ADK: variants seen among roughly 807,000 people sequenced by gnomAD.
ADK encodes N6,N6-dimethyladenosine kinase.
A neutral mutation model predicts 44.7 loss-of-function variants in ADK; 24 were observed. The observed-to-expected ratio is 0.54, with a 90% CI of 0.39 to 0.76. The LOEUF is 0.76. ADK is among the 30% of genes least tolerant of loss of function. The probability of loss-of-function intolerance (pLI) is 0.00; values close to 1 mark genes in which losing one functional copy is unlikely to be tolerated. For missense variants in ADK, 321 were observed against 425.1 expected, an observed-to-expected ratio of 0.76 and a Z score of 2.15; for synonymous variants, 128 against 142.6, an observed-to-expected ratio of 0.90 and a Z score of 0.73.
chr10:74,259,509 T>G (rs1845961767), intron 3 of ADK, among the ~76,000 whole-genome samples: 1 of 142,674 alleles, frequency 7.0e-6, no homozygotes, highest in African/African-American at 2.7e-5. Flanking sequence ...CAGGCTGGAG[T>G]GCAGTGGCGC....
intron 1 of ADK, among the ~76,000 whole-genome samples, chr10:74,197,838 ACT>A (rs960103839): frequency 6.6e-5 from 10 of 152,084 alleles, no homozygotes; most frequent in African/African-American, 2.2e-4. Context: ...AGTATAATAA[ACT>A]CTTTTGGGAA....
chr10:74,651,274 A>G (rs967218763), intron 9 of ADK, among the ~76,000 whole-genome samples: 23 of 152,178 alleles, frequency 1.5e-4, no homozygotes, highest in African/African-American at 5.5e-4. Flanking sequence ...GCAATCCCTA[A>G]TTACGGAGAA....
chr10:74,596,125 A>G (rs1246567511), intron 8 of ADK, among the ~76,000 whole-genome samples: 1 of 152,036 alleles, frequency 6.6e-6, no homozygotes, highest in South Asian at 2.1e-4. Flanking sequence ...AAAATGGTTT[A>G]GGATGAACAT....
chr10:74,281,944 C>T (rs562775574), intron 3 of ADK, among the ~76,000 whole-genome samples: 139 of 152,298 alleles, frequency 9.1e-4, no homozygotes, highest in Admixed American at 3.2e-3. Context: ...CATTTTAATA[C>T]ATCTGGCTCC....
chr10:74,668,537 G>A (rs191070951), intron 9 of ADK, among the ~76,000 whole-genome samples: 6 of 152,280 alleles, frequency 3.9e-5, no homozygotes, highest in Admixed American at 3.9e-4. Context: ...AGGAGTTCAA[G>A]ACGAGCCTGG....
At chr10:74,530,338 A>C (rs1366346018) in intron 7 of ADK, among the ~76,000 whole-genome samples, 1 of 152,196 alleles carries the variant, frequency 6.6e-6, no homozygotes, top group Non-Finnish European at 1.5e-5. Context: ...CCTCAAAAAA[A>C]TAAAGTATAC....
At chr10:74,434,026 AGTAAAATGAG>A (rs1266760916) in intron 6 of ADK, among the ~76,000 whole-genome samples, 1 of 152,202 alleles carries the variant, frequency 6.6e-6, no homozygotes, top group Non-Finnish European at 1.5e-5. Flanking sequence ...TGTGTGGTGA[AGTAAAATGAG>A]GTAGAGGTTA....
chr10:74,281,753 A>G (rs1207195395), intron 3 of ADK, among the ~76,000 whole-genome samples: 1 of 152,216 alleles, frequency 6.6e-6, no homozygotes, highest in Non-Finnish European at 1.5e-5. Flanking sequence ...TCAAAACTGC[A>G]AGTTTTCTGA....
chr10:74,328,424 A>T (rs1039031643), intron 4 of ADK, among the ~76,000 whole-genome samples: 1 of 152,048 alleles, frequency 6.6e-6, no homozygotes, highest in Non-Finnish European at 1.5e-5. Flanking sequence ...ACTTCTGCAT[A>T]TGTGGGCTTA....
chr10:74,405,817 A>G (rs1285689810), intron 6 of ADK, among the ~76,000 whole-genome samples: 1 of 152,204 alleles, frequency 6.6e-6, no homozygotes, highest in Admixed American at 6.5e-5. Flanking sequence ...TCTTTGAAAC[A>G]GCCACTATTT....
intron 6 of ADK, among the ~76,000 whole-genome samples, chr10:74,453,409 G>A (rs1484750683): frequency 6.6e-6 from 1 of 151,956 alleles, no homozygotes; most frequent in Non-Finnish European, 1.5e-5. Flanking sequence ...CAGATAATTT[G>A]CAGCCATGTG....
chr10:74,591,628 A>G (rs1365384752), intron 8 of ADK, among the ~76,000 whole-genome samples: 1 of 152,224 alleles, frequency 6.6e-6, no homozygotes, highest in Admixed American at 6.5e-5. Flanking sequence ...TAAGGAATAA[A>G]ACAAAAATAA....
At chr10:74,544,700 C>A (rs542588304) in intron 7 of ADK, among the ~76,000 whole-genome samples, 36 of 152,076 alleles carry the variant, frequency 2.4e-4, no homozygotes, top group African/African-American at 7.7e-4. Context: ...CATGGTGAAA[C>A]CCCTTCTCCA....
intron 6 of ADK, among the ~76,000 whole-genome samples, chr10:74,418,343 C>T (rs575055623): frequency 6.6e-6 from 1 of 152,234 alleles, no homozygotes; most frequent in East Asian, 1.9e-4. Context: ...TCAGTCATTG[C>T]ACCCTGTATC....
At chr10:74,630,897 CT>C (rs1455784536) in intron 9 of ADK, among the ~76,000 whole-genome samples, 7 of 144,382 alleles carry the variant, frequency 4.8e-5, no homozygotes, top group Admixed American at 1.4e-4. Flanking sequence ...GAGCTTTCCC[CT>C]TTTTTTGTTT....
chr10:74,396,945 C>G (rs531899348), intron 5 of ADK, among the ~76,000 whole-genome samples: 1 of 147,848 alleles, frequency 6.8e-6, no homozygotes. Context: ...GCAACAAGAA[C>G]GAAACTTCAT....
chr10:74,673,719 C>G (rs540155626), intron 10 of ADK, among the ~76,000 whole-genome samples: 1 of 152,284 alleles, frequency 6.6e-6, no homozygotes, highest in South Asian at 2.1e-4. Flanking sequence ...TCATGGCACC[C>G]GAGTTCTTGT....
chr10:74,421,848 C>T (rs761556474), intron 6 of ADK, among the ~76,000 whole-genome samples: 2 of 152,120 alleles, frequency 1.3e-5, no homozygotes, highest in Admixed American at 6.5e-5. Flanking sequence ...CAAAATAAAA[C>T]ATGTAGCATT....
chr10:74,226,933 CA>C (rs1311534607), intron 3 of ADK, among the ~76,000 whole-genome samples: 37 of 152,184 alleles, frequency 2.4e-4, no homozygotes, highest in African/African-American at 8.2e-4. Flanking sequence ...AGAAAACTTT[CA>C]GTTGAATATG....
Sources: allele counts gnomAD v4.1 joint callset (sites outside exome capture counted in the v4.1 genomes callset), GRCh38; gene constraint gnomAD v4.1.1; transcripts MANE v1.5; gene names NCBI Gene and HGNC (gene_info 2026-07-23, HGNC 2026-07-21).